LRP1B: variants seen among roughly 807,000 people sequenced by gnomAD.
LRP1B encodes low-density lipoprotein receptor-related protein 1B.
A neutral mutation model predicts 556.6 loss-of-function variants in LRP1B; 217 were observed. That is an observed-to-expected ratio of 0.39 (90% confidence interval 0.35 to 0.44). The LOEUF (loss-of-function observed/expected upper bound fraction) is 0.44. Ranked by LOEUF, LRP1B falls within the 20% of genes least tolerant of loss-of-function variation. The pLI is 1.00. For missense variants in LRP1B, 5,053 were observed against 5,620.8 expected, an observed-to-expected ratio of 0.90 and a Z score of 3.23; for synonymous variants, 2,047 against 1,865.8, an observed-to-expected ratio of 1.10 and a Z score of -2.50.
chr2:142,002,514 T>C (rs1362013993), intron 1 of LRP1B, among the ~76,000 whole-genome samples: 1 of 151,382 alleles, frequency 6.6e-6, no homozygotes, highest in East Asian at 1.9e-4. Context: ...TGTGATACCA[T>C]CAATTTAAAA....
chr2:141,824,657 C>A (rs1233153860), intron 1 of LRP1B, among the ~76,000 whole-genome samples: 2 of 152,198 alleles, frequency 1.3e-5, no homozygotes, highest in African/African-American at 4.8e-5. Flanking sequence ...CCGGCATAAA[C>A]ATTGTTAATA....
At chr2:142,125,101 C>T (rs530657956) in intron 1 of LRP1B, among the ~76,000 whole-genome samples, 15 of 151,732 alleles carry the variant, frequency 9.9e-5, no homozygotes, top group African/African-American at 3.6e-4. Flanking sequence ...TAGAACAGAG[C>T]AATACATAAT....
chr2:141,937,161 G>A (rs887285592), intron 1 of LRP1B, among the ~76,000 whole-genome samples: 23 of 151,840 alleles, frequency 1.5e-4, no homozygotes, highest in African/African-American at 2.2e-4. Context: ...AGGCAGAGGC[G>A]GGCAGATCAT....
chr2:141,937,070 T>C lies in LRP1B; in HGVS notation c.83-126669A>G, dbSNP rs1700654627. Reference sequence around the variant, plus strand: ...AATAAAAAGTAACCTTAAAGTAAATTTGTGAAAGATATAAAAAACCTTTAA... The same window carrying C: ...AATAAAAAGTAACCTTAAAGTAAATCTGTGAAAGATATAAAAAACCTTTAA... On this transcript the variant is annotated intron_variant, in intron 1 of 90. Transcript: ENST00000389484. Among the ~76,000 whole-genome samples, 6 of 110,490 alleles carry C rather than the reference T, an allele frequency of 5.4e-5. No homozygotes were observed. In the South Asian group the frequency reaches 2.4e-3, roughly 43 times the overall value. The allele number at this position is 110,490 out of a possible 152,430, so 72.5% of individuals were successfully genotyped here.
At chr2:141,471,200 A>G (rs185659093) in intron 3 of LRP1B, among the ~76,000 whole-genome samples, 27 of 152,098 alleles carry the variant, frequency 1.8e-4, no homozygotes, top group African/African-American at 6.3e-4. Flanking sequence ...AATTCTAGCT[A>G]CTATATGCTT....
intron 7 of LRP1B, among the ~76,000 whole-genome samples, chr2:141,180,572 A>G (rs1013661604): frequency 6.6e-6 from 1 of 151,966 alleles, no homozygotes; most frequent in South Asian, 2.1e-4. Flanking sequence ...GCTGGAGAAT[A>G]TAACAGAATA....
chr2:140,415,425 C>T (rs1288756243), intron 66 of LRP1B, among the ~76,000 whole-genome samples: 1 of 152,144 alleles, frequency 6.6e-6, no homozygotes, highest in African/African-American at 2.4e-5. Flanking sequence ...CTTTTGAAAC[C>T]CTTAATAAAA....
intron 23 of LRP1B, chr2:140,898,787 G>T: frequency 5.4e-6 from 3 of 560,714 alleles, no homozygotes; most frequent in South Asian, 2.9e-5. Flanking sequence ...AACTGGGAGC[G>T]CTATCACCCA....
At chr2:141,544,340 CT>C (rs1231241122) in intron 2 of LRP1B, among the ~76,000 whole-genome samples, 1 of 73,228 alleles carries the variant, frequency 1.4e-5, no homozygotes, top group African/African-American at 5.5e-5. Flanking sequence ...TCTTCTTCTT[CT>C]TCTTCTTCTT....
chr2:140,534,267 T>TATA (rs1330515468), intron 46 of LRP1B, 127 bp from the exon 47 acceptor site: 2 of 886,618 alleles, frequency 2.3e-6, no homozygotes, highest in Non-Finnish European at 3.4e-6. Context: ...TGCTGTGCCA[T>TATA]ATAATAGCTC....
intron 2 of LRP1B, among the ~76,000 whole-genome samples, chr2:141,707,921 C>T (rs982149991): frequency 8.5e-5 from 13 of 152,090 alleles, no homozygotes; most frequent in African/African-American, 2.9e-4. Context: ...AAATTAGAAA[C>T]TGGAAATCTT....
chr2:141,430,889 G>T (rs917850740), intron 3 of LRP1B, among the ~76,000 whole-genome samples: 3 of 152,066 alleles, frequency 2.0e-5, no homozygotes, highest in Non-Finnish European at 4.4e-5. Context: ...CAGCACTTTG[G>T]GAGGCTGAGG....
chr2:141,745,888 G>T (rs1693898416), intron 2 of LRP1B, among the ~76,000 whole-genome samples: 1 of 151,848 alleles, frequency 6.6e-6, no homozygotes, highest in South Asian at 2.1e-4. Flanking sequence ...GGGATCTTTA[G>T]TCAGCAGGTG....
chr2:140,577,731 G>T (rs1681589220), intron 43 of LRP1B, among the ~76,000 whole-genome samples: 1 of 152,028 alleles, frequency 6.6e-6, no homozygotes, highest in Non-Finnish European at 1.5e-5. Context: ...TTGCACTACA[G>T]ATTTTAGAAT....
intron 1 of LRP1B, among the ~76,000 whole-genome samples, chr2:141,993,245 G>T (rs1297358259): frequency 6.6e-6 from 1 of 152,052 alleles, no homozygotes; most frequent in Non-Finnish European, 1.5e-5. Context: ...AGTATCTGTT[G>T]CTAAACTGCT....
chr2:140,967,555 G>T (rs967311516), intron 18 of LRP1B, among the ~76,000 whole-genome samples: 7 of 151,982 alleles, frequency 4.6e-5, no homozygotes, highest in Admixed American at 4.6e-4. Flanking sequence ...TGATTGCCCT[G>T]GCCAGAACTT....
At chr2:142,038,056 CAAAAT>C (rs1703946859) in intron 1 of LRP1B, among the ~76,000 whole-genome samples, 1 of 151,388 alleles carries the variant, frequency 6.6e-6, no homozygotes, top group African/African-American at 2.4e-5. Context: ...GTTCTATTCT[CAAAAT>C]AATATTAAAA....
chr2:140,254,449 A>G (rs1681587135), intron 86 of LRP1B, among the ~76,000 whole-genome samples: 1 of 152,224 alleles, frequency 6.6e-6, no homozygotes, highest in Admixed American at 6.5e-5. Context: ...TGGGAAATGA[A>G]TAAGACATAC....
intron 3 of LRP1B, among the ~76,000 whole-genome samples, chr2:141,277,959 C>A (rs537556884): frequency 6.6e-6 from 1 of 152,176 alleles, no homozygotes; most frequent in Non-Finnish European, 1.5e-5. Flanking sequence ...ATTGCAATGA[C>A]ACGTAAGAAT....
Sources: allele counts gnomAD v4.1 joint callset (sites outside exome capture counted in the v4.1 genomes callset), GRCh38; gene constraint gnomAD v4.1.1; transcripts MANE v1.5; gene names NCBI Gene and HGNC (gene_info 2026-07-23, HGNC 2026-07-21).